PKD1L1: variants seen among roughly 807,000 people sequenced by gnomAD.
PKD1L1 encodes the protein polycystin-1-like protein 1.
A neutral mutation model predicts 323.4 loss-of-function variants in PKD1L1; 236 were observed. The ratio of observed to expected loss-of-function variants is 0.73; its 90% CI spans 0.66 to 0.81. PKD1L1 has a LOEUF of 0.81. PKD1L1 is among the 40% of genes least tolerant of loss of function. PKD1L1 has a pLI of 0.00. For synonymous variants in PKD1L1, 1,344 were observed against 1,335.0 expected (o/e 1.01, Z -0.15); for missense variants, 3,320 against 3,508.0 (o/e 0.95, Z 1.35).
intron 12 of PKD1L1, among the ~76,000 whole-genome samples, chr7:47,903,288 T>A (rs990604383): frequency 6.6e-6 from 1 of 152,182 alleles, no homozygotes; most frequent in Non-Finnish European, 1.5e-5. Context: ...GGCCTACTGA[T>A]AAGAATGAAG....
chr7:47,859,874 C>T (rs62448559), intron 26 of PKD1L1, among the ~76,000 whole-genome samples: 31,743 of 151,958 alleles, frequency 0.21, 3,532 homozygotes, highest in Middle Eastern at 0.24. Context: ...ATGATCCACC[C>T]GCCTCGGCTT....
intron 56 of PKD1L1, among the ~76,000 whole-genome samples, chr7:47,781,015 C>A (rs1272193261): frequency 1.3e-5 from 2 of 152,180 alleles, no homozygotes; most frequent in African/African-American, 4.8e-5. Flanking sequence ...TTTACATTCC[C>A]ATCAGTAATG....
intron 32 of PKD1L1, among the ~76,000 whole-genome samples, chr7:47,846,372 C>T (rs919429523): frequency 2.0e-4 from 31 of 152,222 alleles, no homozygotes; most frequent in African/African-American, 7.0e-4. Flanking sequence ...TTCATGTTTG[C>T]GCAGAGACTT....
At chr7:47,802,339 G>T (rs1184020730) in intron 53 of PKD1L1, among the ~76,000 whole-genome samples, 1 of 152,162 alleles carries the variant, frequency 6.6e-6, no homozygotes, top group Non-Finnish European at 1.5e-5. Context: ...TTTTCTGGAG[G>T]CAGAGGTTGG....
rs1359457723 is a variant in PKD1L1 at position 47,929,357 on chromosome 7, G to A, written c.907C>T (p.Arg303Trp). 23 of 1,614,036 alleles carry A rather than the reference G, an allele frequency of 1.4e-5. No individual in the cohort carries two copies. The highest frequency in any genetic ancestry group is 6.7e-5 in the African/African-American group (5 of 74,918). The stretch of plus-strand genomic sequence containing the variant: ...CGGAATCCCAGATTTGGAGGTGCCC[G>A]AGCTTCCACTTCCAGGGAGCAATTA... The part of the protein sequence containing the change: ...VLNCSLEVEA[R>W]APPNLGFRVH... The change falls in exon 7 of 57, where the codon CGG (arginine) becomes TGG (tryptophan). Residue 303 changes from arginine to tryptophan, a missense_variant. By Grantham distance (101) the Arg-to-Trp change is moderately radical. Transcript: ENST00000289672.
chr7:47,819,635 G>T, intron 46 of PKD1L1: 1 of 1,220,484 alleles, frequency 8.2e-7, no homozygotes, highest in Non-Finnish European at 1.1e-6. Flanking sequence ...CTATTACAAT[G>T]CTCAGCAGAA....
intron 24 of PKD1L1, 104 bp downstream of exon 24, chr7:47,873,795 G>A: frequency 1.3e-6 from 1 of 782,444 alleles, no homozygotes; most frequent in Middle Eastern, 2.9e-4. Context: ...AAGAAGATGA[G>A]TTCCTGACAT....
intron 56 of PKD1L1, among the ~76,000 whole-genome samples, chr7:47,787,867 A>C (rs1366948993): frequency 2.0e-5 from 3 of 152,010 alleles, no homozygotes; most frequent in Non-Finnish European, 2.9e-5. Context: ...GTGTGCCACC[A>C]CACCTGGCTA....
At chr7:47,795,588 G>A in intron 55 of PKD1L1, 1 of 344,808 alleles carries the variant, frequency 2.9e-6, no homozygotes. Flanking sequence ...GCATGTCTGG[G>A]GTGACTGAAC....
At chr7:47,877,116 T>G (rs1195313535) in intron 22 of PKD1L1, among the ~76,000 whole-genome samples, 1 of 152,060 alleles carries the variant, frequency 6.6e-6, no homozygotes. Context: ...GTGTTAGAAA[T>G]GTGCCTGGGG....
At chr7:47,908,728 A>G (rs750917919) in intron 8 of PKD1L1, among the ~76,000 whole-genome samples, 2 of 152,246 alleles carry the variant, frequency 1.3e-5, no homozygotes, top group Non-Finnish European at 2.9e-5. Flanking sequence ...CAATACAACT[A>G]TAATATGACT....
Position 47,865,226 on chromosome 7 carries a change from A to C in PKD1L1, c.4139T>G (p.Phe1380Cys). ...AAAAATTGCACTTACCTTATTAGAGAAGCTCACGAGGTCCCTCAACATAAG... is the reference window on the plus strand; with the variant it reads ...AAAAATTGCACTTACCTTATTAGAGCAGCTCACGAGGTCCCTCAACATAAG... Reference protein sequence around the residue: ...SVLMLRDLVSFSNKLGFMSAV... With the variant: ...SVLMLRDLVSCSNKLGFMSAV... Residue 1380 changes from phenylalanine (F) to cysteine (C), a missense_variant, in exon 26 of 57, where the codon TTC (phenylalanine) becomes TGC (cysteine). Transcript: ENST00000289672. 1 of 1,613,086 alleles carries C rather than the reference A, an allele frequency of 6.2e-7. No homozygotes were observed. Among genetic ancestry groups the C allele is most frequent in the Non-Finnish European group, 8.5e-7 (1 of 1,179,528 alleles).
intron 46 of PKD1L1, chr7:47,819,610 T>C (rs754305351): frequency 8.2e-6 from 11 of 1,348,698 alleles, no homozygotes; most frequent in Admixed American, 2.0e-5. Flanking sequence ...AGGCAGAAAA[T>C]TCCACTTAAT....
chr7:47,833,365 G>C (rs1184135871), intron 40 of PKD1L1, 113 bp from the exon 41 acceptor site: 6 of 1,240,336 alleles, frequency 4.8e-6, no homozygotes, highest in Non-Finnish European at 4.5e-6. Context: ...TGGCATGGGC[G>C]GGGTGTGGTG....
Position 47,946,133 on chromosome 7 carries a change from C to T in PKD1L1, c.44+2264G>A, listed in dbSNP as rs564705077. Among the ~76,000 whole-genome samples, 6 of 152,264 alleles carry T rather than the reference C, an allele frequency of 3.9e-5. No homozygotes were observed. The South Asian group carries it at 1.2e-3, about 32-fold the overall frequency. On this transcript the variant is annotated intron_variant, in intron 1 of 56. Transcript: ENST00000289672. The surrounding 1 kb of genome is among the most constrained non-coding windows in gnomAD (Gnocchi z 4.1). ...AATCAGCACCATTTTCACAGAGGTA[C>T]CTGGCTTCCTCTTAGTTAACTGTGA...
Position 47,839,610 on chromosome 7 carries a change from G to A in PKD1L1, c.5605C>T (p.Arg1869Cys), listed in dbSNP as rs562245446. ...ATGAACCAGCCTGGGGAAGGCCCAC[G>A]GCTGTCGTGCCAGAGGCGGATCTTC... The part of the protein sequence containing the change: ...LRKIRLWHDS[R>C]GPSPGWFISH... Residue 1869 changes from arginine to cysteine, a missense_variant, in exon 36 of 57, where the codon CGT becomes TGT. Arg to Cys is a radical substitution (Grantham distance 180). Transcript: ENST00000289672. This position sits in a 1 kb window ranked among gnomAD's most constrained non-coding sequence, Gnocchi z 4.3. 9 of 1,592,260 alleles carry A rather than the reference G, an allele frequency of 5.7e-6. No homozygotes were observed. Among genetic ancestry groups the A allele is most frequent in the Non-Finnish European group, 7.7e-6 (9 of 1,169,626 alleles).
In PKD1L1 at chr7:47,845,960, A is replaced by T. The variant is rs540157954; in HGVS notation, c.5154-882T>A. Among the ~76,000 whole-genome samples, 4 of 152,356 alleles carry T rather than the reference A, an allele frequency of 2.6e-5. No individual in the cohort carries two copies. The East Asian group carries it at 7.7e-4, about 29-fold the overall frequency. On this transcript the variant is annotated intron_variant, in intron 32 of 56. Transcript: ENST00000289672. Reference sequence around the variant, plus strand: ...TACGTAATGGAGAATGAATGATTGCATTAATGCATTTATCAATAATTTAAT... The same window carrying T: ...TACGTAATGGAGAATGAATGATTGCTTTAATGCATTTATCAATAATTTAAT...
intron 52 of PKD1L1, among the ~76,000 whole-genome samples, chr7:47,806,793 T>C (rs888961478): frequency 1.7e-4 from 26 of 152,250 alleles, no homozygotes; most frequent in Admixed American, 6.5e-4. Context: ...AGGAATGCAA[T>C]ATCCGGAGAT....
At chr7:47,903,377 T>C (rs1021312667) in intron 12 of PKD1L1, among the ~76,000 whole-genome samples, 11 of 152,260 alleles carry the variant, frequency 7.2e-5, no homozygotes, top group African/African-American at 2.6e-4. Flanking sequence ...ATAAACCATG[T>C]CACTTCCACA....
Sources: gnomAD v4.1 joint callset for allele counts (sites outside exome capture counted in the v4.1 genomes callset) on GRCh38, gnomAD v4.1.1 for gene constraint, Gnocchi (gnomAD v3.1) non-coding constraint, MANE v1.5 for transcripts, NCBI Gene and HGNC (gene_info 2026-07-23, HGNC 2026-07-21) for gene names.